The following ULK4 variants were observed in gnomAD, a reference collection of about 807,000 sequenced individuals.
The protein encoded by ULK4 is inactive serine/threonine-protein kinase ULK4.
In ULK4, 133 loss-of-function variants were observed where a neutral mutation model predicts 160.6. The observed-to-expected ratio is 0.83, with a 90% CI of 0.72 to 0.96. The LOEUF (loss-of-function observed/expected upper bound fraction) is 0.96, where lower values mean the gene tolerates loss of function less well. Ranked by LOEUF, ULK4 falls within the 40% of genes least tolerant of loss-of-function variation. The pLI, the probability that ULK4 is intolerant of heterozygous loss-of-function variation, is 0.00. For missense variants in ULK4, 1,580 were observed against 1,499.5 expected (o/e 1.05, Z -0.89); for synonymous variants, 534 against 539.8 (o/e 0.99, Z 0.15).
chr3:41,420,475 C>CTTTCTTTTTTTTTTTTTTTTTTTTTT (rs2082636372), intron 34 of ULK4, among the ~76,000 whole-genome samples: 1 of 41,178 alleles, frequency 2.4e-5, no homozygotes, highest in Non-Finnish European at 4.1e-5. Context: ...CCAGTTCTTT[C>CTTTCTTTTTTTTTTTTTTTTTTTTTT]TTTTTTTTTT....
At chr3:41,701,927 A>G (rs1168794726) in intron 27 of ULK4, among the ~76,000 whole-genome samples, 1 of 152,132 alleles carries the variant, frequency 6.6e-6, no homozygotes, top group East Asian at 1.9e-4. Context: ...ATATATAAAT[A>G]CCAACCTTAT....
At chr3:41,502,256 T>C (rs770695004) in intron 32 of ULK4, among the ~76,000 whole-genome samples, 2 of 152,254 alleles carry the variant, frequency 1.3e-5, no homozygotes, top group Non-Finnish European at 2.9e-5. Flanking sequence ...TATTTTTAAA[T>C]TGTTAAGGAA....
At chr3:41,546,716 C>T (rs1264181024) in intron 32 of ULK4, among the ~76,000 whole-genome samples, 1 of 150,196 alleles carries the variant, frequency 6.7e-6, no homozygotes, top group East Asian at 2.0e-4. Flanking sequence ...CCTTCCCAAG[C>T]TCAACAAGAC....
At chr3:41,788,481 G>A (rs534636022) in intron 21 of ULK4, among the ~76,000 whole-genome samples, 1 of 152,130 alleles carries the variant, frequency 6.6e-6, no homozygotes, top group East Asian at 1.9e-4. Flanking sequence ...TCAGGAGATC[G>A]AGACCATCCT....
At chr3:41,497,106 AAT>A (rs2085020756) in intron 32 of ULK4, among the ~76,000 whole-genome samples, 1 of 152,088 alleles carries the variant, frequency 6.6e-6, no homozygotes, top group South Asian at 2.1e-4. Flanking sequence ...AGCTAATGAT[AAT>A]ATGTTGAAAG....
chr3:41,898,671 TA>T (rs781065066), intron 13 of ULK4, among the ~76,000 whole-genome samples, 179 bp from the exon 14 acceptor site: 1 of 152,198 alleles, frequency 6.6e-6, no homozygotes, highest in African/African-American at 2.4e-5. Flanking sequence ...ATATAGATAA[TA>T]TTTTTTATAA....
At chr3:41,776,687 T>A (rs1575691107) in intron 21 of ULK4, among the ~76,000 whole-genome samples, 1 of 130,048 alleles carries the variant, frequency 7.7e-6, no homozygotes, top group East Asian at 2.0e-4. Flanking sequence ...AATCATGTGG[T>A]TTTTGTCTTT....
intron 19 of ULK4, among the ~76,000 whole-genome samples, chr3:41,801,526 C>CTG (rs1051253941): frequency 7.0e-6 from 1 of 142,178 alleles, no homozygotes; most frequent in African/African-American, 2.8e-5. Context: ...CATAATCAGA[C>CTG]TGCTTTAAAA....
At chr3:41,449,112 T>C (rs559805148) in intron 34 of ULK4, among the ~76,000 whole-genome samples, 9 of 152,204 alleles carry the variant, frequency 5.9e-5, no homozygotes, top group African/African-American at 2.2e-4. Flanking sequence ...GATACAGGGT[T>C]TCACCATACT....
chr3:41,479,421 T>A (rs1343634418), intron 32 of ULK4, among the ~76,000 whole-genome samples: 1 of 152,208 alleles, frequency 6.6e-6, no homozygotes, highest in Non-Finnish European at 1.5e-5. Context: ...ATGAACTGGA[T>A]CACAGGATAA....
At chr3:41,828,822 G>A (rs2041463903) in intron 18 of ULK4, among the ~76,000 whole-genome samples, 1 of 152,014 alleles carries the variant, frequency 6.6e-6, no homozygotes, top group Non-Finnish European at 1.5e-5. Flanking sequence ...AACCAAAAAA[G>A]AGCCCACATT....
chr3:41,540,542 G>A (rs938279191), intron 32 of ULK4, among the ~76,000 whole-genome samples: 2 of 152,096 alleles, frequency 1.3e-5, no homozygotes, highest in African/African-American at 2.4e-5. Context: ...TAATCCTTTG[G>A]GTATATACCC....
intron 32 of ULK4, among the ~76,000 whole-genome samples, chr3:41,525,033 G>A (rs1478052612): frequency 6.6e-6 from 1 of 152,132 alleles, no homozygotes; most frequent in African/African-American, 2.4e-5. Flanking sequence ...TGAAAGATGA[G>A]ACTTGAGAGC....
At chr3:41,544,518 T>C (rs1043347729) in intron 32 of ULK4, among the ~76,000 whole-genome samples, 1 of 152,236 alleles carries the variant, frequency 6.6e-6, no homozygotes, top group African/African-American at 2.4e-5. Context: ...GCCTTCTGTA[T>C]TCCCCAGGAA....
At chr3:41,356,499 A>G (rs1432204483) in intron 35 of ULK4, among the ~76,000 whole-genome samples, 1 of 152,192 alleles carries the variant, frequency 6.6e-6, no homozygotes, top group African/African-American at 2.4e-5. Context: ...CTACTTATTA[A>G]GTGTAGCTTA....
chr3:41,797,188 C>CAA (rs143259276), intron 20 of ULK4, among the ~76,000 whole-genome samples: 23 of 141,424 alleles, frequency 1.6e-4, no homozygotes, highest in East Asian at 6.1e-4. Flanking sequence ...ATGATCAATG[C>CAA]AAAAAAAAAA....
At chr3:41,958,574 T>C (rs1051598715) in intron 1 of ULK4, among the ~76,000 whole-genome samples, 11 of 150,248 alleles carry the variant, frequency 7.3e-5, no homozygotes, top group African/African-American at 2.7e-4. Context: ...TATCCAGGAA[T>C]GGTGGCGCGC....
intron 21 of ULK4, among the ~76,000 whole-genome samples, chr3:41,772,498 C>T (rs1430871731): frequency 1.3e-5 from 2 of 152,286 alleles, no homozygotes; most frequent in Non-Finnish European, 1.5e-5. Context: ...TCGACACATA[C>T]ACCCTCCCAA....
intron 31 of ULK4, among the ~76,000 whole-genome samples, chr3:41,567,458 T>TC (rs2087821274): frequency 6.9e-6 from 1 of 144,586 alleles, no homozygotes. Context: ...TTTTTTTTTT[T>TC]TTTTTTTTGA....
Sources: gnomAD v4.1 joint callset for allele counts (sites outside exome capture counted in the v4.1 genomes callset) on GRCh38, gnomAD v4.1.1 for gene constraint, MANE v1.5 for transcripts, NCBI Gene and HGNC (gene_info 2026-07-23, HGNC 2026-07-21) for gene names.